Variants in NT5DC1 observed in about 807,000 individuals in gnomAD.
The protein encoded by NT5DC1 is 5'-nucleotidase domain-containing protein 1.
In NT5DC1, 42 loss-of-function variants were observed where a neutral mutation model predicts 59.4. That is an observed-to-expected ratio of 0.71 (90% CI 0.55 to 0.92). The LOEUF (loss-of-function observed/expected upper bound fraction) is 0.92, where lower values mean the gene tolerates loss of function less well. Ranked by LOEUF, NT5DC1 falls within the 40% of genes least tolerant of loss-of-function variation. The pLI is 0.00. For missense variants in NT5DC1, 501 were observed against 537.1 expected, an observed-to-expected ratio of 0.93 and a Z score of 0.66; for synonymous variants, 172 against 188.1, an observed-to-expected ratio of 0.91 and a Z score of 0.70.
At chr6:116,124,594 G>A (rs905752541) in intron 6 of NT5DC1, among the ~76,000 whole-genome samples, 1 of 152,190 alleles carries the variant, frequency 6.6e-6, no homozygotes, top group African/African-American at 2.4e-5. Flanking sequence ...AGAAGTAATA[G>A]CAACACTTAA....
chr6:116,230,784 T>C (rs548920608), intron 8 of NT5DC1, among the ~76,000 whole-genome samples: 1 of 152,332 alleles, frequency 6.6e-6, no homozygotes, highest in East Asian at 1.9e-4. Flanking sequence ...TGGCTACAGT[T>C]GGGAAATTGT....
chr6:116,227,543 C>T (rs1781933855), intron 8 of NT5DC1, among the ~76,000 whole-genome samples: 1 of 152,080 alleles, frequency 6.6e-6, no homozygotes, highest in Admixed American at 6.6e-5. Context: ...AACCTCCACA[C>T]TTTTTTCCGT....
intron 5 of NT5DC1, among the ~76,000 whole-genome samples, chr6:116,117,058 C>A (rs926268616): frequency 6.6e-6 from 1 of 152,126 alleles, no homozygotes; most frequent in African/African-American, 2.4e-5. Flanking sequence ...GCAGCTCTTT[C>A]ATATCGAAAT....
intron 6 of NT5DC1, among the ~76,000 whole-genome samples, chr6:116,168,510 A>G (rs1780529651): frequency 1.3e-5 from 2 of 152,038 alleles, no homozygotes; most frequent in Non-Finnish European, 2.9e-5. Context: ...TTTATTATTT[A>G]TAGTTTTCAA....
intron 4 of NT5DC1, among the ~76,000 whole-genome samples, 166 bp downstream of exon 4, chr6:116,111,122 G>T (rs547139528): frequency 6.6e-6 from 1 of 152,326 alleles, no homozygotes; most frequent in East Asian, 1.9e-4. Context: ...AAGTGTATTT[G>T]ACTTCTGTTT....
At chr6:116,220,770 CTGATCATAT>C (rs1781782918) in intron 6 of NT5DC1, among the ~76,000 whole-genome samples, 1 of 152,178 alleles carries the variant, frequency 6.6e-6, no homozygotes, top group Admixed American at 6.5e-5. Flanking sequence ...TTTGAAAATG[CTGATCATAT>C]TGTGTTTCTT....
intron 6 of NT5DC1, among the ~76,000 whole-genome samples, chr6:116,164,879 C>G (rs1257026369): frequency 6.6e-6 from 1 of 151,820 alleles, no homozygotes; most frequent in Admixed American, 6.6e-5. Flanking sequence ...GTCAGGAGAT[C>G]GAGACCATCC....
chr6:116,238,464 TAAAAAAAAA>T (rs56266433), intron 10 of NT5DC1, 116 bp downstream of exon 10: 7,235 of 257,750 alleles, frequency 0.028, 468 homozygotes, highest in African/African-American at 0.16. Flanking sequence ...ACCATCATGT[TAAAAAAAAA>T]AAAAAAAAAA....
intron 6 of NT5DC1, among the ~76,000 whole-genome samples, chr6:116,174,581 A>G (rs1239476059): frequency 6.6e-6 from 1 of 152,234 alleles, no homozygotes; most frequent in Non-Finnish European, 1.5e-5. Flanking sequence ...AAAAGTAATG[A>G]AAAAGAAAAA....
intron 6 of NT5DC1, among the ~76,000 whole-genome samples, chr6:116,167,224 T>C (rs943713584): frequency 1.3e-5 from 2 of 148,250 alleles, no homozygotes; most frequent in Non-Finnish European, 3.0e-5. Context: ...TTTTTTTTTT[T>C]TTTTTTTGAG....
intron 6 of NT5DC1, among the ~76,000 whole-genome samples, chr6:116,149,354 C>T (rs1222145432): frequency 1.3e-5 from 2 of 152,054 alleles, no homozygotes. Context: ...CTTATTCTTC[C>T]AGTACGTATG....
intron 6 of NT5DC1, chr6:116,125,542 T>A (rs1319628039): frequency 6.3e-7 from 1 of 1,583,918 alleles, no homozygotes; most frequent in Admixed American, 1.7e-5. Context: ...TATACAGCAT[T>A]GTTATTAACC....
chr6:116,104,562 G>C (rs546560753), intron 1 of NT5DC1, among the ~76,000 whole-genome samples: 4 of 152,318 alleles, frequency 2.6e-5, no homozygotes, highest in African/African-American at 9.6e-5. Context: ...ACAGGCCATG[G>C]TGGGAATATT....
intron 6 of NT5DC1, among the ~76,000 whole-genome samples, chr6:116,175,951 G>A (rs989469085): frequency 6.6e-6 from 1 of 152,010 alleles, no homozygotes; most frequent in Non-Finnish European, 1.5e-5. Context: ...TTGTTTGGGG[G>A]CTTCTTGTTT....
At chr6:116,147,974 G>T (rs1779941036) in intron 6 of NT5DC1, among the ~76,000 whole-genome samples, 1 of 150,346 alleles carries the variant, frequency 6.7e-6, no homozygotes, top group South Asian at 2.1e-4. Context: ...GACAGAGCGA[G>T]ACTCTGTCTC....
intron 6 of NT5DC1, among the ~76,000 whole-genome samples, chr6:116,207,078 AT>A (rs1562164738): frequency 6.6e-6 from 1 of 151,920 alleles, no homozygotes; most frequent in Non-Finnish European, 1.5e-5. Context: ...AAAGAATGTA[AT>A]TTTTTATTAG....
chr6:116,219,690 C>T (rs144531970), intron 6 of NT5DC1, among the ~76,000 whole-genome samples: 14 of 152,118 alleles, frequency 9.2e-5, no homozygotes, highest in Non-Finnish European at 1.9e-4. Flanking sequence ...GGCATGGTGG[C>T]TCATGCCTGT....
chr6:116,154,647 A>ATTTAATTAT (rs1780137414), intron 6 of NT5DC1, among the ~76,000 whole-genome samples: 1 of 143,274 alleles, frequency 7.0e-6, no homozygotes. Flanking sequence ...GTAAACTTAC[A>ATTTAATTAT]GATTAATTTA....
intron 8 of NT5DC1, among the ~76,000 whole-genome samples, chr6:116,224,474 G>C (rs773906250): frequency 2.0e-5 from 3 of 152,350 alleles, no homozygotes; most frequent in Non-Finnish European, 4.4e-5. Flanking sequence ...ACCACCTTAT[G>C]AGGTACAGTA....
Sources: allele counts gnomAD v4.1 joint callset (sites outside exome capture counted in the v4.1 genomes callset), GRCh38; gene constraint gnomAD v4.1.1; transcripts MANE v1.5; gene names NCBI Gene and HGNC (gene_info 2026-07-23, HGNC 2026-07-21).